Variants in APLF observed in about 807,000 individuals in gnomAD.
APLF encodes the protein aprataxin and PNKP like factor.
APLF carries 61 observed loss-of-function variants against 55.6 expected under a neutral mutation model. The ratio of observed to expected loss-of-function variants is 1.10; its 90% CI spans 0.89 to 1.36. APLF has a LOEUF of 1.36. APLF is among the 40% of genes most tolerant of loss of function. The pLI is 0.00. For missense variants in APLF, 611 were observed against 602.5 expected (o/e 1.01, Z -0.15); for synonymous variants, 207 against 214.8 (o/e 0.96, Z 0.32).
chr2:68,492,938 T>A (rs1338878294), intron 2 of APLF, among the ~76,000 whole-genome samples: 2 of 152,196 alleles, frequency 1.3e-5, no homozygotes, highest in Admixed American at 1.3e-4. Context: ...TTTATCCTTT[T>A]TCGAGTACCT....
chr2:68,556,063 T>C (rs775644406), intron 8 of APLF, among the ~76,000 whole-genome samples: 1 of 152,146 alleles, frequency 6.6e-6, no homozygotes. Context: ...CTGGATGAGA[T>C]TGGAGACTAT....
chr2:68,547,354 C>T (rs1048516866), intron 8 of APLF, among the ~76,000 whole-genome samples: 6 of 151,616 alleles, frequency 4.0e-5, no homozygotes, highest in Non-Finnish European at 8.9e-5. Flanking sequence ...ATCATATTAG[C>T]TTTTATAAAG....
intron 6 of APLF, among the ~76,000 whole-genome samples, chr2:68,537,317 T>C (rs1228157011): frequency 6.6e-6 from 1 of 152,142 alleles, no homozygotes; most frequent in African/African-American, 2.4e-5. Context: ...TTTCACTGAA[T>C]GTTTGACATG....
At chr2:68,484,221 G>A (rs2103895373) in intron 1 of APLF, among the ~76,000 whole-genome samples, 1 of 152,076 alleles carries the variant, frequency 6.6e-6, no homozygotes, top group Admixed American at 6.5e-5. Context: ...TTTTCTTCTG[G>A]TATAATCTTC....
At chr2:68,518,259 G>A (rs1669706768) in intron 5 of APLF, among the ~76,000 whole-genome samples, 1 of 113,014 alleles carries the variant, frequency 8.8e-6, no homozygotes, top group African/African-American at 3.6e-5. Flanking sequence ...AATATATTAT[G>A]AATAGATAAT....
intron 8 of APLF, among the ~76,000 whole-genome samples, chr2:68,561,581 A>AT (rs1671168635): frequency 1.3e-5 from 2 of 152,104 alleles, no homozygotes; most frequent in Non-Finnish European, 2.9e-5. Flanking sequence ...TCTGATTAAT[A>AT]TGAGTGTCAT....
chr2:68,489,942 T>G (rs111788168), intron 1 of APLF, among the ~76,000 whole-genome samples: 3 of 152,192 alleles, frequency 2.0e-5, no homozygotes, highest in African/African-American at 7.2e-5. Context: ...TGCAAGGTTT[T>G]GGGATCCGTT....
At chr2:68,537,475 C>T (rs531535199) in intron 6 of APLF, among the ~76,000 whole-genome samples, 101 of 151,766 alleles carry the variant, frequency 6.7e-4, no homozygotes, top group South Asian at 1.0e-3. Flanking sequence ...TCAAGCGATT[C>T]TCCTGCCTCA....
chr2:68,481,620 C>T (rs958598492), intron 1 of APLF, among the ~76,000 whole-genome samples: 10 of 152,068 alleles, frequency 6.6e-5, no homozygotes, highest in African/African-American at 1.9e-4. Context: ...AGAACTTTTG[C>T]GCTTCCTGCA....
chr2:68,536,170 T>C (rs10208763), intron 6 of APLF, among the ~76,000 whole-genome samples: 12,797 of 152,144 alleles, frequency 0.084, 608 homozygotes, highest in Middle Eastern at 0.12. Context: ...TGGGGTGTAC[T>C]TGTGCAGCGT....
At position 68,532,200 on chromosome 2, in the gene APLF, A is replaced by G. The variant is rs369823048; in HGVS notation, c.805-5672A>G. On this transcript the variant is annotated intron_variant, in intron 6 of 9. Transcript: ENST00000303795. The stretch of plus-strand genomic sequence containing the variant: ...GTAGTGCAGAGCAGGTGAGAGAGAA[A>G]ACAAGAGGCTAGGTTCACCTATCTA... Among the ~76,000 whole-genome samples, 11 of 152,294 alleles carry G rather than the reference A, an allele frequency of 7.2e-5. No homozygotes were observed. In the South Asian group the frequency reaches 2.3e-3, roughly 32 times the overall value.
chr2:68,577,694 G>T, intron 9 of APLF, 126 bp from the exon 10 acceptor site: 1 of 1,110,800 alleles, frequency 9.0e-7, no homozygotes, highest in Non-Finnish European at 1.2e-6. Context: ...CCAGAAATTT[G>T]TAGTGGTAAG....
At chr2:68,491,507 T>A (rs564864072) in intron 2 of APLF, among the ~76,000 whole-genome samples, 20 of 152,342 alleles carry the variant, frequency 1.3e-4, no homozygotes, top group Admixed American at 1.2e-3. Flanking sequence ...AGTATGTTAT[T>A]CTCTAGTGCC....
chr2:68,524,608 T>C lies in APLF; in HGVS notation c.623-1453T>C, dbSNP rs1384492155. On this transcript the variant is annotated intron_variant, in intron 5 of 9. Coordinates refer to ENST00000303795, the MANE Select transcript of APLF (RefSeq NM_173545.3). ...ACTCTCTGGCTTTTTACAGAAAAAG[T>C]TTGCTAATCCCTGCTTTAGAACATG... 2.0e-5 allele frequency among the ~76,000 whole-genome samples: 3 copies of C among 152,168 alleles called. No individual in the cohort carries two copies. The East Asian group carries it at 5.8e-4, about 29-fold the overall frequency.
At chr2:68,483,751 T>C (rs1358276742) in intron 1 of APLF, among the ~76,000 whole-genome samples, 1 of 151,938 alleles carries the variant, frequency 6.6e-6, no homozygotes, top group African/African-American at 2.4e-5. Flanking sequence ...TAATACAGTT[T>C]ATACTAAAAA....
chr2:68,512,249 C>T (rs1669404898), intron 3 of APLF, among the ~76,000 whole-genome samples: 1 of 151,676 alleles, frequency 6.6e-6, no homozygotes, highest in African/African-American at 2.4e-5. Context: ...AATATGATTT[C>T]TGTCCCTGTA....
At chr2:68,474,997 T>G (rs1675729305) in intron 1 of APLF, among the ~76,000 whole-genome samples, 1 of 152,200 alleles carries the variant, frequency 6.6e-6, no homozygotes, top group Admixed American at 6.5e-5. Flanking sequence ...GCTCTGAAGA[T>G]GATTGTATTG....
chr2:68,528,240 C>T (rs1193474952), intron 6 of APLF: 1 of 1,228,850 alleles, frequency 8.1e-7, no homozygotes, highest in Non-Finnish European at 1.2e-6. Flanking sequence ...CCATGCCTGC[C>T]CTGCTGTCTC....
chr2:68,535,302 G>C, intron 6 of APLF: 1 of 438,964 alleles, frequency 2.3e-6, no homozygotes, highest in Non-Finnish European at 4.6e-6. Context: ...GTCAAAAATG[G>C]AAGTATCAGA....
Sources: gnomAD v4.1 joint callset for allele counts (sites outside exome capture counted in the v4.1 genomes callset) on GRCh38, gnomAD v4.1.1 for gene constraint, MANE v1.5 for transcripts, NCBI Gene and HGNC (gene_info 2026-07-23, HGNC 2026-07-21) for gene names.